The following KIRREL3 variants were observed in gnomAD, a reference collection of about 807,000 sequenced individuals.
KIRREL3 encodes kirre like nephrin family adhesion molecule 3.
KIRREL3 carries 36 observed loss-of-function variants against 89.7 expected under a neutral mutation model. The observed-to-expected ratio is 0.40, with a 90% CI of 0.31 to 0.53. The LOEUF (loss-of-function observed/expected upper bound fraction) is 0.53. KIRREL3 is among the 20% of genes least tolerant of loss of function. The probability of loss-of-function intolerance (pLI) is 0.49; values close to 1 mark genes in which losing one functional copy is unlikely to be tolerated. For synonymous variants in KIRREL3, 445 were observed against 441.4 expected (o/e 1.01, Z -0.10); for missense variants, 864 against 1,056.6 (o/e 0.82, Z 2.53).
chr11:126,717,048 T>C (rs1947993786), intron 1 of KIRREL3, among the ~76,000 whole-genome samples: 2 of 152,142 alleles, frequency 1.3e-5, no homozygotes, highest in African/African-American at 4.8e-5. Flanking sequence ...GGAAGAAGCA[T>C]TTGATTCTTC....
In KIRREL3 at chr11:126,946,382, G is replaced by A. The variant is rs1358665837; in HGVS notation, c.55+54073C>T. ...AGACCTGGTTTGGTCCTCATGCATT[G>A]GATCACCTTACTCAAACCACCTTGG... On this transcript the variant is annotated intron_variant, in intron 1 of 16. Transcript: ENST00000525144. This position sits in a 1 kb window ranked among gnomAD's most constrained non-coding sequence, Gnocchi z 4.1. Among the ~76,000 whole-genome samples, 4 of 152,052 alleles carry A rather than the reference G, an allele frequency of 2.6e-5. No homozygotes were observed. Among genetic ancestry groups the A allele is most frequent in the Non-Finnish European group, 5.9e-5 (4 of 68,020 alleles).
Position 126,515,718 on chromosome 11 carries a change from T to G in KIRREL3, c.433+5597A>C, listed in dbSNP as rs1958389153. 6.6e-6 allele frequency among the ~76,000 whole-genome samples: 1 copy of G among 152,064 alleles called. No homozygotes were observed. Among genetic ancestry groups the G allele is most frequent in the South Asian group, 2.1e-4 (1 of 4,808 alleles). On this transcript the variant is annotated intron_variant, in intron 4 of 16. Coordinates refer to ENST00000525144, the MANE Select transcript of KIRREL3 (RefSeq NM_032531.4). This position sits in a 1 kb window ranked among gnomAD's most constrained non-coding sequence, Gnocchi z 4.2. Reference sequence around the variant, plus strand: ...GTGGGTCTGAGGCTGGGGACACAGCTGGGGGCTGGCCTCGGGGGGCCTTGT... The same window carrying G: ...GTGGGTCTGAGGCTGGGGACACAGCGGGGGGCTGGCCTCGGGGGGCCTTGT...
chr11:126,628,237 C>T lies in KIRREL3; in HGVS notation c.56-65325G>A, dbSNP rs1591837978. Among the ~76,000 whole-genome samples, 1 of 152,180 alleles carries T rather than the reference C, an allele frequency of 6.6e-6. No homozygotes were observed. The highest frequency in any genetic ancestry group is 6.5e-5 in the Admixed American group (1 of 15,280). ...GCACTCATCAAGACCTGCTCACCAC[C>T]CACCAATCCTGTCAGACTCTTTCTC... is the stretch of plus-strand genomic sequence containing the variant. On this transcript the variant is annotated intron_variant, in intron 1 of 16. Coordinates refer to ENST00000525144, the MANE Select transcript of KIRREL3 (RefSeq NM_032531.4). The surrounding 1 kb of genome is among the most constrained non-coding windows in gnomAD (Gnocchi z 5.2).
rs1239093616 is a variant in KIRREL3 at position 126,768,806 on chromosome 11, G to A, written c.56-205894C>T. Among the ~76,000 whole-genome samples the A allele has an allele frequency of 1.3e-5, 2 of 152,214 alleles. No homozygotes were observed. The highest frequency in any genetic ancestry group is 1.9e-4 in the East Asian group (1 of 5,192). ...GCTAAGCTTGATGGTCCTGGGGAAA[G>A]GAGGTATGGCAGGATGTCTGAGCAG... On this transcript the variant is annotated intron_variant, in intron 1 of 16. Coordinates refer to ENST00000525144, the MANE Select transcript of KIRREL3 (RefSeq NM_032531.4). The surrounding 1 kb of genome is among the most constrained non-coding windows in gnomAD (Gnocchi z 4.5).
At chr11:126,617,146 G>C (rs992797425) in intron 1 of KIRREL3, among the ~76,000 whole-genome samples, 1 of 152,256 alleles carries the variant, frequency 6.6e-6, no homozygotes, top group South Asian at 2.1e-4. Flanking sequence ...TAGTGGGCCT[G>C]TTAGCCTGAC....
intron 1 of KIRREL3, among the ~76,000 whole-genome samples, chr11:126,880,868 C>T (rs570606053): frequency 6.6e-6 from 1 of 152,162 alleles, no homozygotes; most frequent in Non-Finnish European, 1.5e-5. Flanking sequence ...TGGAATGTAA[C>T]ACATTCTACC....
rs989661053 is a variant in KIRREL3 at position 126,578,604 on chromosome 11, G to A, written c.56-15692C>T. Among the ~76,000 whole-genome samples, 14 of 152,146 alleles carry A rather than the reference G, an allele frequency of 9.2e-5. No homozygotes were observed. The highest frequency in any genetic ancestry group is 3.3e-4 in the Admixed American group (5 of 15,284). On this transcript the variant is annotated intron_variant, in intron 1 of 16. Coordinates refer to ENST00000525144, the MANE Select transcript of KIRREL3 (RefSeq NM_032531.4). The surrounding 1 kb of genome is among the most constrained non-coding windows in gnomAD (Gnocchi z 4.9). ...CAGCATGTGGGGCACGTGGGTGAGCGTGTATGCATGTACACAGGCTGTCTG... is the reference window on the plus strand; with the variant it reads ...CAGCATGTGGGGCACGTGGGTGAGCATGTATGCATGTACACAGGCTGTCTG...
intron 1 of KIRREL3, among the ~76,000 whole-genome samples, chr11:126,922,604 C>T (rs1228120371): frequency 6.6e-6 from 1 of 152,032 alleles, no homozygotes; most frequent in Non-Finnish European, 1.5e-5. Context: ...CTTCTAGGGA[C>T]CTTGTTCTGT....
Position 126,996,401 on chromosome 11 carries a change from C to A in KIRREL3, c.55+4054G>T, listed in dbSNP as rs758298871. On this transcript the variant is annotated intron_variant, in intron 1 of 16. Transcript: ENST00000525144. The surrounding 1 kb of genome is among the most constrained non-coding windows in gnomAD (Gnocchi z 4.7). ...GCTGATTCCTTCTCTGCCTGTACCC[C>A]CTATGATCCCTCCATTCTTTAGGCC... Among the ~76,000 whole-genome samples, 3 of 152,194 alleles carry A rather than the reference C, an allele frequency of 2.0e-5. No individual in the cohort carries two copies. The highest frequency in any genetic ancestry group is 4.4e-5 in the Non-Finnish European group (3 of 68,024).
In KIRREL3 at chr11:126,736,473, A is replaced by G. The variant is rs868199632; in HGVS notation, c.56-173561T>C. Among the ~76,000 whole-genome samples the G allele has an allele frequency of 1.9e-4, 29 of 152,254 alleles. No individual in the cohort carries two copies. Among genetic ancestry groups the G allele is most frequent in the African/African-American group, 5.8e-4 (24 of 41,548 alleles). On this transcript the variant is annotated intron_variant, in intron 1 of 16. Coordinates refer to ENST00000525144, the MANE Select transcript of KIRREL3 (RefSeq NM_032531.4). The surrounding 1 kb of genome is among the most constrained non-coding windows in gnomAD (Gnocchi z 5.0). ...TCACTTTCTAAACAGAGAACTGGAG[A>G]GCTGGAAGGACCCTCAGAGATCATC...
chr11:126,744,170 A>G lies in KIRREL3; in HGVS notation c.56-181258T>C, dbSNP rs1346157915. Reference sequence around the variant, plus strand: ...ACAGGCCATTCATGGAAGGCTTCCAATGGCTGAAGGGCCTTGGGTGCCAGT... The same window carrying G: ...ACAGGCCATTCATGGAAGGCTTCCAGTGGCTGAAGGGCCTTGGGTGCCAGT... On this transcript the variant is annotated intron_variant, in intron 1 of 16. Transcript: ENST00000525144. This position sits in a 1 kb window ranked among gnomAD's most constrained non-coding sequence, Gnocchi z 4.7. 2.0e-5 allele frequency among the ~76,000 whole-genome samples: 3 copies of G among 152,090 alleles called. No homozygotes were observed. Among genetic ancestry groups the G allele is most frequent in the Non-Finnish European group, 2.9e-5 (2 of 68,024 alleles).
At chr11:126,842,788 G>A (rs768187644) in intron 1 of KIRREL3, among the ~76,000 whole-genome samples, 3 of 152,174 alleles carry the variant, frequency 2.0e-5, no homozygotes, top group Non-Finnish European at 4.4e-5. Context: ...AAAGTGGACT[G>A]CCACCTGCCA....
In KIRREL3 at chr11:126,609,215, CAGA is replaced by C. The variant is rs1349132715; in HGVS notation, c.56-46306_56-46304del. Among the ~76,000 whole-genome samples the C allele has an allele frequency of 6.6e-6, 1 of 152,124 alleles. No homozygotes were observed. Reference sequence around the variant, plus strand: ...AAAGGGGTGCGGGGAAGGTTGGGTTCAGAAGGAGAGACTCTCCAGCCACACCTG... The same window carrying C: ...AAAGGGGTGCGGGGAAGGTTGGGTTCAGGAGAGACTCTCCAGCCACACCTG... On this transcript the variant is annotated intron_variant, in intron 1 of 16. Coordinates refer to ENST00000525144, the MANE Select transcript of KIRREL3 (RefSeq NM_032531.4). This position sits in a 1 kb window ranked among gnomAD's most constrained non-coding sequence, Gnocchi z 5.0.
Position 126,565,474 on chromosome 11 carries a change from C to T in KIRREL3, c.56-2562G>A, listed in dbSNP as rs1396223156. Among the ~76,000 whole-genome samples, 2 of 152,158 alleles carry T rather than the reference C, an allele frequency of 1.3e-5. No individual in the cohort carries two copies. Among genetic ancestry groups the T allele is most frequent in the Non-Finnish European group, 2.9e-5 (2 of 68,042 alleles). ...AATGTATTTGGCTCATTTAATTTGA[C>T]ACGCGTGGGTTAGTCTTAATTATTT... On this transcript the variant is annotated intron_variant, in intron 1 of 16. Coordinates refer to ENST00000525144, the MANE Select transcript of KIRREL3 (RefSeq NM_032531.4). This position sits in a 1 kb window ranked among gnomAD's most constrained non-coding sequence, Gnocchi z 5.4.
chr11:126,958,072 C>T (rs1229881152), intron 1 of KIRREL3, among the ~76,000 whole-genome samples: 16 of 152,124 alleles, frequency 1.1e-4, no homozygotes, highest in Admixed American at 1.0e-3. Context: ...CTTTGTTGCA[C>T]TATAACAAAG....
rs1034198829 is a variant in KIRREL3, at chr11:126,744,878, A to T, written c.56-181966T>A. On this transcript the variant is annotated intron_variant, in intron 1 of 16. Coordinates refer to ENST00000525144, the MANE Select transcript of KIRREL3 (RefSeq NM_032531.4). This position sits in a 1 kb window ranked among gnomAD's most constrained non-coding sequence, Gnocchi z 4.7. ...TGTGTCTGCCACATAGTAAGTGCTA[A>T]AAAAAAAAAAAAAGGTGGGAAAAGT... Among the ~76,000 whole-genome samples, 13 of 3,318 alleles carry T rather than the reference A, an allele frequency of 3.9e-3. No individual in the cohort carries two copies. Among genetic ancestry groups the T allele is most frequent in the African/African-American group, 0.022 (13 of 586 alleles). The allele number at this position is 3,318 out of a possible 152,430, so 2.2% of individuals were successfully genotyped here.
At position 126,837,080 on chromosome 11, in the gene KIRREL3, G is replaced by T. The variant is rs1396476941; in HGVS notation, c.55+163375C>A. 9.2e-5 allele frequency among the ~76,000 whole-genome samples: 14 copies of T among 152,196 alleles called. No individual in the cohort carries two copies. Among genetic ancestry groups the T allele is most frequent in the Admixed American group, 6.5e-4 (10 of 15,280 alleles). ...GAATGAACTAACAAACAGCTTCAGA[G>T]TAGCGTGGTTTAGAGGAAAGAATAG... On this transcript the variant is annotated intron_variant, in intron 1 of 16. Transcript: ENST00000525144. The surrounding 1 kb of genome is among the most constrained non-coding windows in gnomAD (Gnocchi z 4.7).
chr11:126,849,694 C>G (rs7111209), intron 1 of KIRREL3, among the ~76,000 whole-genome samples: 129,098 of 152,098 alleles, frequency 0.85, 54,989 homozygotes, highest in East Asian at 1. Flanking sequence ...AGAACGGGCA[C>G]TTGATGGTCA....
At position 126,948,375 on chromosome 11, in the gene KIRREL3, C is replaced by T. The variant is rs1948681184; in HGVS notation, c.55+52080G>A. Among the ~76,000 whole-genome samples, 1 of 152,136 alleles carries T rather than the reference C, an allele frequency of 6.6e-6. No homozygotes were observed. Among genetic ancestry groups the T allele is most frequent in the Non-Finnish European group, 1.5e-5 (1 of 68,028 alleles). On this transcript the variant is annotated intron_variant, in intron 1 of 16. Coordinates refer to ENST00000525144, the MANE Select transcript of KIRREL3 (RefSeq NM_032531.4). This position sits in a 1 kb window ranked among gnomAD's most constrained non-coding sequence, Gnocchi z 4.5. ...CGGAGAACTCAGGGGAACCTAGGTC[C>T]TGTTCCAACCATGGGGTATTAGCTA... is the stretch of plus-strand genomic sequence containing the variant.
Sources: gnomAD v4.1 joint callset for allele counts (sites outside exome capture counted in the v4.1 genomes callset) on GRCh38, gnomAD v4.1.1 for gene constraint, Gnocchi (gnomAD v3.1) non-coding constraint, MANE v1.5 for transcripts, NCBI Gene and HGNC (gene_info 2026-07-23, HGNC 2026-07-21) for gene names.